The following FHAD1 variants were observed in gnomAD, a reference collection of about 807,000 sequenced individuals.
The protein encoded by FHAD1 is forkhead-associated domain-containing protein 1.
In FHAD1, 146 loss-of-function variants were observed where a neutral mutation model predicts 191.3. The ratio of observed to expected loss-of-function variants is 0.76; its 90% CI spans 0.67 to 0.88. The LOEUF is 0.88. Ranked by LOEUF, FHAD1 falls within the 40% of genes least tolerant of loss-of-function variation. The pLI is 0.00. For missense variants in FHAD1, 1,635 were observed against 1,785.8 expected, an observed-to-expected ratio of 0.92 and a Z score of 1.52; for synonymous variants, 616 against 672.3, an observed-to-expected ratio of 0.92 and a Z score of 1.29.
At chr1:15,364,617 T>C (rs202142534) in intron 23 of FHAD1, among the ~76,000 whole-genome samples, 1 of 151,732 alleles carries the variant, frequency 6.6e-6, no homozygotes, top group Non-Finnish European at 1.5e-5. Flanking sequence ...CTCAAAAAAA[T>C]AAAAATAAAT....
At chr1:15,389,109 G>A (rs963449452) in intron 32 of FHAD1, among the ~76,000 whole-genome samples, 1 of 152,158 alleles carries the variant, frequency 6.6e-6, no homozygotes, top group South Asian at 2.1e-4. Flanking sequence ...CTCACATCTT[G>A]TTTCCACCAG....
intron 27 of FHAD1, 75 bp downstream of exon 27, chr1:15,374,706 G>A: frequency 1.2e-5 from 18 of 1,519,822 alleles, no homozygotes; most frequent in Non-Finnish European, 1.6e-5. Flanking sequence ...CAGTTTGCCA[G>A]GACTACCATG....
chr1:15,250,321 G>A (rs2100752288), intron 1 of FHAD1, among the ~76,000 whole-genome samples: 1 of 152,346 alleles, frequency 6.6e-6, no homozygotes, highest in Non-Finnish European at 1.5e-5. Context: ...TGAAGTGTTT[G>A]TCTTAAAAGA....
chr1:15,340,543 C>A (rs770140183), intron 15 of FHAD1, among the ~76,000 whole-genome samples: 3 of 152,136 alleles, frequency 2.0e-5, no homozygotes, highest in Non-Finnish European at 4.4e-5. Context: ...GGCCCAATCA[C>A]ATAGTGTTTT....
At chr1:15,257,473 C>G (rs1484669032) in intron 2 of FHAD1, among the ~76,000 whole-genome samples, 1 of 152,250 alleles carries the variant, frequency 6.6e-6, no homozygotes, top group African/African-American at 2.4e-5. Context: ...CCAAAAGAAG[C>G]AGGCCTGGGG....
At chr1:15,328,137 A>G (rs1262853307) in intron 12 of FHAD1, 140 bp from the exon 13 acceptor site, 2 of 529,048 alleles carry the variant, frequency 3.8e-6, no homozygotes, top group Non-Finnish European at 3.1e-6. Flanking sequence ...TCACCAAGAC[A>G]TATCAGGACC....
chr1:15,274,718 G>A (rs183777799), intron 3 of FHAD1, among the ~76,000 whole-genome samples: 98 of 152,314 alleles, frequency 6.4e-4, no homozygotes, highest in African/African-American at 2.2e-3. Context: ...GAGGGACACT[G>A]TGCTAAGGCA....
chr1:15,275,703 C>T (rs141412138), intron 3 of FHAD1, among the ~76,000 whole-genome samples: 2,076 of 152,218 alleles, frequency 0.014, 39 homozygotes, highest in South Asian at 0.026. Context: ...TAGTGAAGAG[C>T]GTCTCTCATC....
rs1288636787 is a variant in FHAD1, at chr1:15,345,162, T to C, written c.2210T>C (p.Leu737Pro). ...LEEERKRMQELESLLAQQKKA... is the reference protein window; with the variant it reads ...LEEERKRMQEPESLLAQQKKA... ...GAAGAACGGAAGAGAATGCAAGAAC[T>C]GGAGAGCCTCCTGGCCCAGCAGAAG... Residue 737 changes from leucine to proline, a missense_variant, in exon 17 of 34, where the codon CTG (leucine) becomes CCG (proline). Physicochemically the swap from Leu to Pro is moderately conservative, Grantham distance 98. Transcript: ENST00000688493. 4 of 1,551,526 alleles carry C rather than the reference T, an allele frequency of 2.6e-6. No homozygotes were observed. The highest frequency in any genetic ancestry group is 2.7e-5 in the African/African-American group (2 of 72,996).
chr1:15,297,267 G>A (rs1000074432), intron 5 of FHAD1, among the ~76,000 whole-genome samples: 1 of 152,230 alleles, frequency 6.6e-6, no homozygotes, highest in Non-Finnish European at 1.5e-5. Flanking sequence ...GGTTTAGGGA[G>A]TGAGACAGGA....
At position 15,325,477 on chromosome 1, in the gene FHAD1, A is replaced by T. The variant is rs1678116635; in HGVS notation, c.1473+918A>T. Reference sequence around the variant, plus strand: ...TCCCAAAGCCCTTCCATTTTCTACCATCCAAGCCTTACCAGGCAGTGTGAC... The same window carrying T: ...TCCCAAAGCCCTTCCATTTTCTACCTTCCAAGCCTTACCAGGCAGTGTGAC... On this transcript the variant is annotated intron_variant, in intron 11 of 33. Coordinates refer to ENST00000688493, the MANE Select transcript of FHAD1 (RefSeq NM_001391957.1). The surrounding 1 kb of genome is among the most constrained non-coding windows in gnomAD (Gnocchi z 4.6). The T allele has an allele frequency of 6.6e-6, 1 of 152,254 alleles. No homozygotes were observed. The highest frequency in any genetic ancestry group is 2.4e-5 in the African/African-American group (1 of 41,416). The allele number at this position is 152,254 out of a possible 1,614,324, so 9.4% of individuals were successfully genotyped here. A position where few individuals can be genotyped will look rare whatever the true frequency, so the allele number is the denominator to read the frequency against.
At chr1:15,306,824 C>T (rs765214209) in intron 6 of FHAD1, among the ~76,000 whole-genome samples, 22 of 152,206 alleles carry the variant, frequency 1.4e-4, no homozygotes, top group Admixed American at 1.3e-4. Context: ...GCTGTGGGGT[C>T]GGGGCCCTCA....
At chr1:15,356,373 C>T (rs1692806813) in intron 20 of FHAD1, among the ~76,000 whole-genome samples, 1 of 152,104 alleles carries the variant, frequency 6.6e-6, no homozygotes, top group Non-Finnish European at 1.5e-5. Context: ...TGGTTGGTTA[C>T]AGCTTGCTAC....
chr1:15,293,601 C>A (rs997238758), intron 4 of FHAD1, among the ~76,000 whole-genome samples: 10 of 152,116 alleles, frequency 6.6e-5, no homozygotes, highest in Non-Finnish European at 1.3e-4. Flanking sequence ...ACCTGTAATC[C>A]CAGCTACTCA....
rs1455982300 is a variant in FHAD1 at position 15,367,415 on chromosome 1, G to C, written c.3155-48G>C. ...AGAGGCTGAGGCAGGAGAATCACTT[G>C]AACCCGGGAGGCAGAGACCCCCTTA... On this transcript the variant is annotated intron_variant, in intron 24 of 33. Transcript: ENST00000688493. 7 of 1,533,646 alleles carry C rather than the reference G, an allele frequency of 4.6e-6. No homozygotes were observed. In the South Asian group the frequency reaches 8.6e-5, roughly 19 times the overall value.
At chr1:15,342,506 G>A (rs750236277) in intron 16 of FHAD1, among the ~76,000 whole-genome samples, 8 of 152,146 alleles carry the variant, frequency 5.3e-5, no homozygotes, top group East Asian at 3.8e-4. Flanking sequence ...CTTAGAGGAA[G>A]GTTTTCCCAA....
chr1:15,394,925 G>A (rs368916048), intron 33 of FHAD1, among the ~76,000 whole-genome samples: 3 of 152,244 alleles, frequency 2.0e-5, no homozygotes, highest in South Asian at 4.1e-4. Flanking sequence ...AATTGTTTGC[G>A]AGAGAGATCT....
At chr1:15,286,432 G>A (rs1244961902) in intron 3 of FHAD1, among the ~76,000 whole-genome samples, 1 of 152,238 alleles carries the variant, frequency 6.6e-6, no homozygotes, top group East Asian at 1.9e-4. Flanking sequence ...GAGCCCGGAA[G>A]GTTAGGCTGT....
chr1:15,359,650 C>T (rs1177231401), intron 21 of FHAD1, among the ~76,000 whole-genome samples: 3 of 151,884 alleles, frequency 2.0e-5, no homozygotes, highest in Admixed American at 6.6e-5. Flanking sequence ...GAGTTTGAGA[C>T]CAGCCTGGCC....
Sources: gnomAD v4.1 joint callset for allele counts (sites outside exome capture counted in the v4.1 genomes callset) on GRCh38, gnomAD v4.1.1 for gene constraint, Gnocchi (gnomAD v3.1) non-coding constraint, MANE v1.5 for transcripts, NCBI Gene and HGNC (gene_info 2026-07-23, HGNC 2026-07-21) for gene names.